MYL4: variants seen among roughly 807,000 people sequenced by gnomAD.
MYL4 encodes the protein atrial myosin light chain 1.
In MYL4, 16 loss-of-function variants were observed where a neutral mutation model predicts 21.6. That is an observed-to-expected ratio of 0.74 (90% CI 0.50 to 1.12). The LOEUF is 1.12. Among genes scored for constraint, MYL4 ranks in the 50% most tolerant of loss-of-function variants. The pLI is 0.00. For missense variants in MYL4, 249 were observed against 252.9 expected (o/e 0.98, Z 0.11); for synonymous variants, 82 against 95.7 (o/e 0.86, Z 0.83).
chr17:47,220,184 C>T, intron 3 of MYL4, 131 bp downstream of exon 3: 1 of 1,148,410 alleles, frequency 8.7e-7, no homozygotes, highest in Non-Finnish European at 1.2e-6. Flanking sequence ...CCAGCCTCAC[C>T]TACCCAGCTT....
intron 4 of MYL4, 130 bp downstream of exon 4, chr17:47,221,985 T>C: frequency 9.5e-7 from 1 of 1,056,312 alleles, no homozygotes; most frequent in Non-Finnish European, 1.3e-6. Flanking sequence ...AATGACCTGA[T>C]CCAGGCCCTG....
upstream of MYL4, among the ~76,000 whole-genome samples, chr17:47,206,565 G>A (rs751903847): frequency 1.3e-5 from 2 of 152,184 alleles, no homozygotes; most frequent in Non-Finnish European, 2.9e-5. Context: ...GCTCCAGTAT[G>A]TAAAACACAG....
At chr17:47,196,212 A>G (rs1598645193), upstream of MYL4, among the ~76,000 whole-genome samples, 1 of 152,216 alleles carries the variant, frequency 6.6e-6, no homozygotes, top group African/African-American at 2.4e-5. Flanking sequence ...GATGCACAGG[A>G]AAGTTTGATC....
intron 1 of MYL4, among the ~76,000 whole-genome samples, chr17:47,203,980 C>A (rs1341107709): frequency 6.6e-6 from 1 of 152,236 alleles, no homozygotes; most frequent in Non-Finnish European, 1.5e-5. Flanking sequence ...CAAAACACTT[C>A]TTAGAGTATA....
At chr17:47,193,522 C>A in the MYL4 span, among the ~76,000 whole-genome samples, 12 of 152,082 alleles carry the variant, frequency 7.9e-5, no homozygotes, top group Non-Finnish European at 1.2e-4. Context: ...CCTGCCTCAG[C>A]CTTCCAAAAT....
the MYL4 span, among the ~76,000 whole-genome samples, chr17:47,190,578 C>T: frequency 1.3e-5 from 2 of 152,136 alleles, no homozygotes; most frequent in Non-Finnish European, 1.5e-5. Flanking sequence ...TTTTTAAAAA[C>T]AAGGCTGACA....
chr17:47,216,621 G>T (rs2149045203), intron 2 of MYL4, among the ~76,000 whole-genome samples: 1 of 151,740 alleles, frequency 6.6e-6, no homozygotes, highest in African/African-American at 2.4e-5. Context: ...CAAATTATAG[G>T]TCATTGTTCT....
intron 1 of MYL4, among the ~76,000 whole-genome samples, chr17:47,210,547 T>C (rs1776699244): frequency 6.6e-6 from 1 of 152,062 alleles, no homozygotes; most frequent in Non-Finnish European, 1.5e-5. Flanking sequence ...AGGACAGGGC[T>C]GGGGGTGGTG....
chr17:47,189,445 C>T, the MYL4 span: 2 of 544,398 alleles, frequency 3.7e-6, no homozygotes, highest in African/African-American at 3.8e-5. Flanking sequence ...CGAAGATTAC[C>T]GGAAGCTACC....
At chr17:47,211,347 A>C (rs896388638) in intron 1 of MYL4, among the ~76,000 whole-genome samples, 14 of 152,088 alleles carry the variant, frequency 9.2e-5, no homozygotes. Flanking sequence ...CAGGCATTTG[A>C]GTCCAGCCTG....
intron 5 of MYL4, among the ~76,000 whole-genome samples, 177 bp from the exon 6 acceptor site, chr17:47,222,837 G>C (rs528104417): frequency 6.6e-6 from 1 of 152,164 alleles, no homozygotes; most frequent in South Asian, 2.1e-4. Context: ...GCAGAGTCTA[G>C]GTATCTGCCC....
Position 47,223,029 on chromosome 17 carries a change from T to C in MYL4, c.581T>C (p.Ile194Thr), listed in dbSNP as rs1033872857. 3 of 1,613,820 alleles carry C rather than the reference T, an allele frequency of 1.9e-6. No homozygotes were observed. Among genetic ancestry groups the C allele is most frequent in the Admixed American group, 3.3e-5 (2 of 59,984 alleles). The change falls in exon 6 of 7, where the codon ATC becomes ACC. Residue 194 changes from isoleucine (I) to threonine (T), a missense_variant. Ile to Thr is a moderately conservative substitution (Grantham distance 89). Coordinates refer to ENST00000393450, the MANE Select transcript of MYL4 (RefSeq NM_002476.2). The stretch of plus-strand genomic sequence containing the variant: ...TTTTTCCTAGCCTTTGTCAAGCACA[T>C]CATGTCAGGGTGAAGCAGAGTCTTC... ...CINYEAFVKHIMSG is the reference protein window; with the variant it reads ...CINYEAFVKHTMSG
At chr17:47,208,046 T>C (rs1480128720), upstream of MYL4, among the ~76,000 whole-genome samples, 2 of 152,210 alleles carry the variant, frequency 1.3e-5, no homozygotes, top group African/African-American at 4.8e-5. Flanking sequence ...TATAGCTAAT[T>C]ATTTGAGTGA....
At chr17:47,224,226 G>T (rs571722429), downstream of MYL4, among the ~76,000 whole-genome samples, 1 of 152,134 alleles carries the variant, frequency 6.6e-6, no homozygotes, top group Non-Finnish European at 1.5e-5. Context: ...GTTCCACATG[G>T]CTGGGGAGGC....
At position 47,209,382 on chromosome 17, in the gene MYL4, T is replaced by A; in HGVS notation, c.-41T>A. On this transcript the variant is annotated 5_prime_UTR_variant, in exon 1 of 7. Transcript: ENST00000393450. ...CCCAGACGCCACGTCTCTCGGTTTC[T>A]TCTTAGATCACTCCTCTGCCAAAGA... 3.7e-6 allele frequency: 6 copies of A among 1,614,002 alleles called. No individual in the cohort carries two copies. The highest frequency in any genetic ancestry group is 5.1e-6 in the Non-Finnish European group (6 of 1,180,002).
intron 6 of MYL4, 115 bp downstream of exon 6, chr17:47,223,172 T>C (rs1031067992): frequency 3.6e-6 from 4 of 1,097,186 alleles, no homozygotes; most frequent in South Asian, 1.4e-5. Flanking sequence ...AGGAAACCTC[T>C]TGGGATCAGG....
upstream of MYL4, among the ~76,000 whole-genome samples, chr17:47,207,983 C>T (rs1183229448): frequency 6.6e-6 from 1 of 152,204 alleles, no homozygotes; most frequent in African/African-American, 2.4e-5. Flanking sequence ...TTATCATATA[C>T]ATTATTCAAG....
At chr17:47,199,330 A>G (rs2149037427), upstream of MYL4, among the ~76,000 whole-genome samples, 1 of 151,978 alleles carries the variant, frequency 6.6e-6, no homozygotes, top group South Asian at 2.1e-4. Flanking sequence ...CAGAAAAACA[A>G]ATAAACAAAC....
At chr17:47,192,205 T>C in the MYL4 span, among the ~76,000 whole-genome samples, 1 of 151,976 alleles carries the variant, frequency 6.6e-6, no homozygotes, top group South Asian at 2.1e-4. Context: ...AAATACCAAA[T>C]TAGCTGGGCG....
Sources: gnomAD v4.1 joint callset for allele counts (sites outside exome capture counted in the v4.1 genomes callset) on GRCh38, gnomAD v4.1.1 for gene constraint, MANE v1.5 for transcripts, NCBI Gene and HGNC (gene_info 2026-07-23, HGNC 2026-07-21) for gene names.